Variants in INTS8 observed in about 807,000 individuals in gnomAD.
INTS8 encodes integrator complex subunit 8, also known as protein kaonashi-1.
In INTS8, 47 loss-of-function variants were observed where a neutral mutation model predicts 138.9. The ratio of observed to expected loss-of-function variants is 0.34; its 90% CI spans 0.27 to 0.43. The LOEUF (loss-of-function observed/expected upper bound fraction) is 0.43. INTS8 is among the 20% of genes least tolerant of loss of function. The probability of loss-of-function intolerance (pLI) is 1.00; values close to 1 mark genes in which losing one functional copy is unlikely to be tolerated. For missense variants in INTS8, 996 were observed against 1,173.0 expected (o/e 0.85, Z 2.20); for synonymous variants, 392 against 400.9 (o/e 0.98, Z 0.27).
At chr8:94,863,390 T>C (rs1464126880) in intron 16 of INTS8, among the ~76,000 whole-genome samples, 1 of 152,234 alleles carries the variant, frequency 6.6e-6, no homozygotes, top group Non-Finnish European at 1.5e-5. Flanking sequence ...CTTTCCAGCT[T>C]TGCGTGTTTG....
rs377738957 is a variant in INTS8, at chr8:94,832,016, A to G, written c.595A>G (p.Ile199Val). The change falls in exon 6 of 27, where the codon ATT becomes GTT. Residue 199 changes from isoleucine (I) to valine (V), a missense_variant. By Grantham distance (29) the Ile-to-Val change is conservative. Transcript: ENST00000523731. ...KVLKEQAADS[I>V]LVLEAALKLN... ...GCTCAAAGAACAAGCTGCTGATTCT[A>G]TTTTGGTACTAGAAGCAGCCCTAAA... The G allele has an allele frequency of 1.2e-6, 2 of 1,604,116 alleles. No homozygotes were observed. Among genetic ancestry groups the G allele is most frequent in the African/African-American group, 1.3e-5 (1 of 74,344 alleles).
At chr8:94,853,940 CTTG>C in intron 14 of INTS8, 25 bp downstream of exon 14, 1 of 1,349,888 alleles carries the variant, frequency 7.4e-7, no homozygotes, top group South Asian at 1.2e-5. Flanking sequence ...GTATCAAACA[CTTG>C]TTAAGAATAT....
chr8:94,843,103 A>C (rs953555889), intron 10 of INTS8, among the ~76,000 whole-genome samples: 6 of 152,038 alleles, frequency 3.9e-5, no homozygotes, highest in Non-Finnish European at 8.8e-5. Flanking sequence ...GCTTTCTTTT[A>C]TATTTGTATC....
At position 94,853,393 on chromosome 8, in the gene INTS8, C is replaced by T. The variant is rs527613149; in HGVS notation, c.1642-412C>T. ...TGATAGGGGATTCTGGGACTAACCG[C>T]GTGCTTAAGCTTGAATGCCAGCTTC... is the stretch of plus-strand genomic sequence containing the variant. On this transcript the variant is annotated intron_variant, in intron 13 of 26. Transcript: ENST00000523731. 7.2e-5 allele frequency among the ~76,000 whole-genome samples: 11 copies of T among 152,248 alleles called. No homozygotes were observed. In the South Asian group the frequency reaches 1.4e-3, roughly 20 times the overall value.
At chr8:94,862,993 C>T (rs1019325660) in intron 16 of INTS8, among the ~76,000 whole-genome samples, 3 of 152,102 alleles carry the variant, frequency 2.0e-5, no homozygotes, top group African/African-American at 4.8e-5. Context: ...TCATATATTA[C>T]GTAATCACAA....
At chr8:94,830,381 A>G (rs1164114761) in intron 5 of INTS8, among the ~76,000 whole-genome samples, 7 of 152,242 alleles carry the variant, frequency 4.6e-5, no homozygotes, top group Admixed American at 4.6e-4. Flanking sequence ...ATATGCTGTA[A>G]TATTTTGAAT....
At chr8:94,858,272 T>C (rs1815827293) in intron 15 of INTS8, among the ~76,000 whole-genome samples, 2 of 152,350 alleles carry the variant, frequency 1.3e-5, no homozygotes, top group African/African-American at 4.8e-5. Context: ...TGCTACCGTC[T>C]TGAGTCCTAT....
rs748159116 is a variant in INTS8 at position 94,873,457 on chromosome 8, C to T, written c.2617C>T (p.Pro873Ser). 1 of 1,612,780 alleles carries T rather than the reference C, an allele frequency of 6.2e-7. No homozygotes were observed. Among genetic ancestry groups the T allele is most frequent in the East Asian group, 2.2e-5 (1 of 44,866 alleles). The change falls in exon 22 of 27, where the codon CCT becomes TCT. Residue 873 changes from proline to serine, a missense_variant. Physicochemically the swap from Pro to Ser is moderately conservative, Grantham distance 74 (BLOSUM62 -1). Transcript: ENST00000523731. ...TGACTTCTTTAACAAGGCTGTGCCCCCTGATGTTTATACAGACCAGGTGAA... is the reference window on the plus strand; with the variant it reads ...TGACTTCTTTAACAAGGCTGTGCCCTCTGATGTTTATACAGACCAGGTGAA... The part of the protein sequence containing the change: ...CSDFFNKAVP[P>S]DVYTDQVIKR...
chr8:94,878,649 A>T (rs966971850), intron 26 of INTS8, among the ~76,000 whole-genome samples: 6 of 152,152 alleles, frequency 3.9e-5, no homozygotes, highest in Non-Finnish European at 8.8e-5. Context: ...TCATCCTAAT[A>T]CAAGTTTTTG....
intron 4 of INTS8, 78 bp from the exon 5 acceptor site, chr8:94,828,897 A>C (rs1814609109): frequency 1.1e-6 from 1 of 869,990 alleles, no homozygotes; most frequent in Non-Finnish European, 1.9e-6. Flanking sequence ...ACTTTCAAGA[A>C]TGATGCTCTT....
At chr8:94,848,877 TAGG>T (rs1227019844) in intron 10 of INTS8, among the ~76,000 whole-genome samples, 2 of 152,200 alleles carry the variant, frequency 1.3e-5, no homozygotes, top group Non-Finnish European at 2.9e-5. Flanking sequence ...AATAATATAT[TAGG>T]AGGAATCCTA....
chr8:94,866,486 T>G (rs1033490836), intron 18 of INTS8: 12 of 313,034 alleles, frequency 3.8e-5, no homozygotes, highest in African/African-American at 2.4e-4. Context: ...GGTCTCCCCT[T>G]GTTGCCCAGG....
At chr8:94,852,885 G>GT (rs1815602858) in intron 13 of INTS8, among the ~76,000 whole-genome samples, 1 of 152,108 alleles carries the variant, frequency 6.6e-6, no homozygotes. Flanking sequence ...TGGGATTATA[G>GT]GCATGAGCCA....
At chr8:94,851,759 C>T (rs1180356986) in intron 13 of INTS8, 73 bp downstream of exon 13, 5 of 1,322,232 alleles carry the variant, frequency 3.8e-6, no homozygotes, top group African/African-American at 3.1e-5. Context: ...AAAGCTGTTC[C>T]CTGACCTTTT....
At chr8:94,849,018 TGAATAGCTCATGAATATA>T (rs1230995652) in intron 10 of INTS8, among the ~76,000 whole-genome samples, 1 of 152,158 alleles carries the variant, frequency 6.6e-6, no homozygotes, top group African/African-American at 2.4e-5. Context: ...TAACTATTCA[TGAATAGCTCATGAATATA>T]GAACCATTAG....
At chr8:94,859,748 G>T in intron 16 of INTS8, 116 bp downstream of exon 16, 1 of 802,926 alleles carries the variant, frequency 1.2e-6, no homozygotes, top group Non-Finnish European at 1.9e-6. Context: ...TTGGACAAAT[G>T]CTTGTTGATT....
rs1816468369 is a variant in INTS8, at chr8:94,873,400, C to T, written c.2560C>T (p.His854Tyr). 6.2e-7 allele frequency: 1 copy of T among 1,613,708 alleles called. No individual in the cohort carries two copies. Among genetic ancestry groups the T allele is most frequent in the African/African-American group, 1.3e-5 (1 of 74,920 alleles). Reference protein sequence around the residue: ...FATNQYSAALHYYLQAGAVCS... With the variant: ...FATNQYSAALYYYLQAGAVCS... ...AACGAATCAGTATTCAGCAGCTCTT[C>T]ACTATTACCTCCAGGCAGGAGCTGT... Residue 854 changes from histidine (H) to tyrosine (Y), a missense_variant, in exon 22 of 27, where the codon CAC (histidine) becomes TAC (tyrosine). Coordinates refer to ENST00000523731, the MANE Select transcript of INTS8 (RefSeq NM_017864.4).
intron 10 of INTS8, among the ~76,000 whole-genome samples, chr8:94,843,406 A>C (rs1321119686): frequency 6.6e-6 from 1 of 152,154 alleles, no homozygotes; most frequent in Non-Finnish European, 1.5e-5. Context: ...TCTCTACTAA[A>C]AATACAAAAA....
At chr8:94,864,229 C>A (rs1816095597) in intron 16 of INTS8, among the ~76,000 whole-genome samples, 1 of 151,796 alleles carries the variant, frequency 6.6e-6, no homozygotes, top group Non-Finnish European at 1.5e-5. Flanking sequence ...GAAAAACCAC[C>A]AATTTTTGTC....
Sources: gnomAD v4.1 joint callset for allele counts (sites outside exome capture counted in the v4.1 genomes callset) on GRCh38, gnomAD v4.1.1 for gene constraint, MANE v1.5 for transcripts, NCBI Gene and HGNC (gene_info 2026-07-23, HGNC 2026-07-21) for gene names.